LAPTM4A: variants seen among roughly 807,000 people sequenced by gnomAD.
The protein encoded by LAPTM4A is lysosomal-associated transmembrane protein 4A.
Under a neutral mutation model 29.9 loss-of-function variants are expected in LAPTM4A, and 19 were observed. The observed-to-expected ratio is 0.64, with a 90% CI of 0.44 to 0.93. The LOEUF (loss-of-function observed/expected upper bound fraction) is 0.93. Among genes scored for constraint, LAPTM4A ranks in the 40% least tolerant of loss-of-function variants. The pLI is 0.00. For missense variants in LAPTM4A, 293 were observed against 288.5 expected (o/e 1.02, Z -0.11); for synonymous variants, 105 against 102.1 (o/e 1.03, Z -0.17).
intron 1 of LAPTM4A, among the ~76,000 whole-genome samples, chr2:20,050,520 A>C (rs73222135): frequency 1.4e-3 from 218 of 152,266 alleles, no homozygotes; most frequent in African/African-American, 5.0e-3. Context: ...ACCTAAAACT[A>C]CCTAAACTGA....
chr2:20,051,006 G>C (rs944980081), intron 1 of LAPTM4A, among the ~76,000 whole-genome samples: 17 of 152,212 alleles, frequency 1.1e-4, no homozygotes, highest in Non-Finnish European at 2.2e-4. Flanking sequence ...TTTCATTAGA[G>C]GAAAAAATTC....
At chr2:20,048,690 C>G (rs1439226494) in intron 1 of LAPTM4A, among the ~76,000 whole-genome samples, 1 of 152,204 alleles carries the variant, frequency 6.6e-6, no homozygotes, top group Non-Finnish European at 1.5e-5. Flanking sequence ...AATATTCTCC[C>G]ATGCAGACTG....
Position 20,040,874 on chromosome 2 carries a change from T to A in LAPTM4A, c.232+17A>T. Reference sequence around the variant, plus strand: ...ATTAGCAGGGGAGATTTTTTTGTTTTTCTATTAAACACATACCAGCCATTC... The same window carrying A: ...ATTAGCAGGGGAGATTTTTTTGTTTATCTATTAAACACATACCAGCCATTC... On this transcript the variant is annotated intron_variant, in intron 2 of 6. Coordinates refer to ENST00000175091, the MANE Select transcript of LAPTM4A (RefSeq NM_014713.5). 1 of 1,610,484 alleles carries A rather than the reference T, an allele frequency of 6.2e-7. No homozygotes were observed. The highest frequency in any genetic ancestry group is 1.1e-5 in the South Asian group (1 of 90,634).
intron 1 of LAPTM4A, among the ~76,000 whole-genome samples, chr2:20,049,876 A>G (rs1312629733): frequency 6.6e-6 from 1 of 152,200 alleles, no homozygotes; most frequent in East Asian, 1.9e-4. Flanking sequence ...TGAATTATTC[A>G]TTTAGGGAAA....
Position 20,033,062 on chromosome 2 carries a change from TC to T in LAPTM4A, c.*142del. Reference sequence around the variant, plus strand: ...AGACGTTTAACAGATGTCAAAAAGCTCCTTAGTGTTTGAAAATAAATGCTTA... The same window carrying T: ...AGACGTTTAACAGATGTCAAAAAGCTCTTAGTGTTTGAAAATAAATGCTTA... On this transcript the variant is annotated 3_prime_UTR_variant, in exon 7 of 7. Coordinates refer to ENST00000175091, the MANE Select transcript of LAPTM4A (RefSeq NM_014713.5). 1.5e-6 allele frequency: 1 copy of T among 681,364 alleles called. No individual in the cohort carries two copies. The highest frequency in any genetic ancestry group is 1.8e-5 in the South Asian group (1 of 54,680). The allele number at this position is 681,364 out of a possible 1,614,324, so 42.2% of individuals were successfully genotyped here.
chr2:20,051,461 G>A lies in LAPTM4A; in HGVS notation c.60C>T (p.Cys20=), dbSNP rs775024120. Residue 20 remains cysteine (C), a synonymous_variant, in exon 1 of 7, where the codon TGC becomes TGT. Coordinates refer to ENST00000175091, the MANE Select transcript of LAPTM4A (RefSeq NM_014713.5). ...TCCCGGTGCGGACATGGCAACAGCC[G>A]CAGCACCGGGTGCTGTAGAACCGGT... ...RSDRFYSTRC[C]GCCHVRTGTI... 1 of 1,613,288 alleles carries A rather than the reference G, an allele frequency of 6.2e-7. No homozygotes were observed. Among genetic ancestry groups the A allele is most frequent in the Non-Finnish European group, 8.5e-7 (1 of 1,179,660 alleles).
intron 4 of LAPTM4A, among the ~76,000 whole-genome samples, chr2:20,036,278 A>G (rs890890771): frequency 5.9e-5 from 9 of 152,146 alleles, no homozygotes; most frequent in African/African-American, 1.9e-4. Context: ...TGCCCTCACT[A>G]TGCTGCTTCT....
chr2:20,046,051 G>A (rs1212830640), intron 1 of LAPTM4A, among the ~76,000 whole-genome samples: 1 of 152,184 alleles, frequency 6.6e-6, no homozygotes, highest in Non-Finnish European at 1.5e-5. Flanking sequence ...CAGGGACATG[G>A]ATGAAGCTGG....
Position 20,041,005 on chromosome 2 carries a change from T to G in LAPTM4A, c.118A>C (p.Asn40His). 1 of 1,613,860 alleles carries G rather than the reference T, an allele frequency of 6.2e-7. No homozygotes were observed. The change falls in exon 2 of 7, where the codon AAC becomes CAC. Residue 40 changes from asparagine (N) to histidine (H), a missense_variant. By Grantham distance (68) the Asn-to-His change is moderately conservative. Coordinates refer to ENST00000175091, the MANE Select transcript of LAPTM4A (RefSeq NM_014713.5). ...IILGTWYMVV[N>H]LLMAILLTVE... ...GTCAGCAAAATTGCCATCAATAGGTTTACTACCTGGAAAAGATAACATTCT... is the reference window on the plus strand; with the variant it reads ...GTCAGCAAAATTGCCATCAATAGGTGTACTACCTGGAAAAGATAACATTCT...
chr2:20,051,491 G>A lies in LAPTM4A; in HGVS notation c.30C>T (p.Arg10=). The part of the protein sequence containing the change: MVSMSFKRN[R]SDRFYSTRCC... Reference sequence around the variant, plus strand: ...ACCGGGTGCTGTAGAACCGGTCACTGCGGTTCCGCTTGAAACTCATGGACA... The same window carrying A: ...ACCGGGTGCTGTAGAACCGGTCACTACGGTTCCGCTTGAAACTCATGGACA... The change falls in exon 1 of 7, where the codon CGC becomes CGT. Residue 10 remains arginine, a synonymous_variant. Transcript: ENST00000175091. The A allele has an allele frequency of 6.2e-7, 1 of 1,611,412 alleles. No individual in the cohort carries two copies. Among genetic ancestry groups the A allele is most frequent in the East Asian group, 2.2e-5 (1 of 44,708 alleles).
At chr2:20,034,271 G>A (rs1333605106) in intron 6 of LAPTM4A, 46 bp downstream of exon 6, 3 of 1,275,416 alleles carry the variant, frequency 2.4e-6, no homozygotes, top group African/African-American at 1.5e-5. Flanking sequence ...TCCTGGAACA[G>A]TCAATAGTGA....
chr2:20,043,521 C>T (rs780264965), intron 1 of LAPTM4A, among the ~76,000 whole-genome samples: 1 of 152,076 alleles, frequency 6.6e-6, no homozygotes, highest in East Asian at 1.9e-4. Context: ...GGCCAGCTAT[C>T]GATAGTATTT....
At chr2:20,042,781 GAA>G (rs1288114129) in intron 1 of LAPTM4A, among the ~76,000 whole-genome samples, 1 of 152,180 alleles carries the variant, frequency 6.6e-6, no homozygotes, top group Non-Finnish European at 1.5e-5. Context: ...TAAGTACTCA[GAA>G]AGAGTATTGT....
intron 2 of LAPTM4A, among the ~76,000 whole-genome samples, chr2:20,039,771 G>A (rs764145685): frequency 6.6e-5 from 10 of 151,998 alleles, no homozygotes; most frequent in East Asian, 1.9e-4. Flanking sequence ...AATGAAGGGC[G>A]CTGGCTGGGC....
intron 2 of LAPTM4A, among the ~76,000 whole-genome samples, chr2:20,038,731 ACT>A (rs1360374565): frequency 6.6e-6 from 1 of 152,196 alleles, no homozygotes; most frequent in East Asian, 1.9e-4. Flanking sequence ...TAATCTCAGT[ACT>A]CTGAGAGACT....
intron 2 of LAPTM4A, 59 bp from the exon 3 acceptor site, chr2:20,037,673 T>G: frequency 8.9e-7 from 1 of 1,120,656 alleles, no homozygotes; most frequent in Non-Finnish European, 1.3e-6. Context: ...AGAACAAAAC[T>G]TCACTTAAAG....
At chr2:20,041,860 T>C (rs1673809153) in intron 1 of LAPTM4A, among the ~76,000 whole-genome samples, 1 of 152,114 alleles carries the variant, frequency 6.6e-6, no homozygotes, top group African/African-American at 2.4e-5. Context: ...TGAGATAATG[T>C]GCTCTCCCTT....
chr2:20,038,292 T>C (rs2103496508), intron 2 of LAPTM4A, among the ~76,000 whole-genome samples: 1 of 152,290 alleles, frequency 6.6e-6, no homozygotes, highest in Non-Finnish European at 1.5e-5. Context: ...CCTCAGGTTG[T>C]TCCAACTCTC....
At chr2:20,041,693 C>T (rs1010841352) in intron 1 of LAPTM4A, among the ~76,000 whole-genome samples, 1 of 152,150 alleles carries the variant, frequency 6.6e-6, no homozygotes, top group East Asian at 1.9e-4. Flanking sequence ...CACGACCATA[C>T]GCGGGTGATT....
Sources: allele counts gnomAD v4.1 joint callset (sites outside exome capture counted in the v4.1 genomes callset), GRCh38; gene constraint gnomAD v4.1.1; transcripts MANE v1.5; gene names NCBI Gene and HGNC (gene_info 2026-07-23, HGNC 2026-07-21).